The following HAUS6 variants were observed in gnomAD, a reference collection of about 807,000 sequenced individuals.
HAUS6 encodes the protein HAUS augmin like complex subunit 6, also known as HAUS augmin-like complex subunit 6.
HAUS6 carries 80 observed loss-of-function variants against 106.8 expected under a neutral mutation model. The observed-to-expected ratio is 0.75, with a 90% CI of 0.63 to 0.90. The LOEUF (loss-of-function observed/expected upper bound fraction) is 0.90, where lower values mean the gene tolerates loss of function less well. Among genes scored for constraint, HAUS6 ranks in the 40% least tolerant of loss-of-function variants. The pLI is 0.00. For missense variants in HAUS6, 1,155 were observed against 1,118.1 expected (o/e 1.03, Z -0.47); for synonymous variants, 356 against 379.1 (o/e 0.94, Z 0.71).
intron 11 of HAUS6, among the ~76,000 whole-genome samples, chr9:19,074,695 T>A (rs533348959): frequency 6.6e-6 from 1 of 152,244 alleles, no homozygotes; most frequent in South Asian, 2.1e-4. Context: ...CAATTACCTA[T>A]CCCAGTGATT....
At chr9:19,068,775 T>C (rs1286490982) in intron 12 of HAUS6, among the ~76,000 whole-genome samples, 1 of 152,048 alleles carries the variant, frequency 6.6e-6, no homozygotes, top group East Asian at 1.9e-4. Flanking sequence ...TAATGTTTAA[T>C]TTCAATGAAG....
rs34918267 is a variant in HAUS6, at chr9:19,091,301, G to GA, written c.437-1743dup. 5.2e-3 allele frequency among the ~76,000 whole-genome samples: 710 copies of GA among 137,058 alleles called. 4 individuals carry two copies. Among genetic ancestry groups the GA allele is most frequent in the African/African-American group, 0.018 (657 of 36,268 alleles). The allele number at this position is 137,058 out of a possible 152,430, so 89.9% of individuals were successfully genotyped here. A position where few individuals can be genotyped will look rare whatever the true frequency, so the allele number is the denominator to read the frequency against. On this transcript the variant is annotated intron_variant, in intron 4 of 16. Transcript: ENST00000380502. ...GGCAACAGAGTGAGACTTCGTCTGC[G>GA]AAAAAAAAAAAAAGAAACCACCAAA...
intron 14 of HAUS6, 31 bp downstream of exon 14, chr9:19,062,977 T>C: frequency 8.7e-6 from 13 of 1,500,862 alleles, no homozygotes; most frequent in Non-Finnish European, 1.2e-5. Context: ...ATAACTGATA[T>C]TTAAGTATAC....
intron 7 of HAUS6, 56 bp from the exon 8 acceptor site, chr9:19,083,099 A>C: frequency 1.0e-6 from 1 of 991,008 alleles, no homozygotes. Flanking sequence ...CATATTTTAA[A>C]AATGTAAATG....
At position 19,058,586 on chromosome 9, in the gene HAUS6, G is replaced by A; in HGVS notation, c.2181C>T (p.Gly727=). Residue 727 remains glycine (G), a synonymous_variant, in exon 16 of 17, where the codon GGC becomes GGT. Coordinates refer to ENST00000380502, the MANE Select transcript of HAUS6 (RefSeq NM_017645.5). ...ATATTTTCATAAACTCCTCTTCACT[G>A]CCACCCATCACATCTATCCTATTGC... ...AVGNRIDVMG[G]SEEEFMKILD... is the part of the protein sequence containing the mutation. The A allele has an allele frequency of 6.2e-7, 1 of 1,600,604 alleles. No homozygotes were observed. The highest frequency in any genetic ancestry group is 1.1e-5 in the South Asian group (1 of 90,516).
In HAUS6 at chr9:19,096,721, A is replaced by C. The variant is rs757288535; in HGVS notation, c.177T>G (p.Tyr59Ter). 1 of 1,567,234 alleles carries C rather than the reference A, an allele frequency of 6.4e-7. No homozygotes were observed. Among genetic ancestry groups the C allele is most frequent in the Non-Finnish European group, 8.7e-7 (1 of 1,153,044 alleles). Reference protein sequence around the residue: ...LNRDAFHIISYFLFQVLDQSL... With the variant: ...LNRDAFHIIS ...ACTGGTCCAGAACTTGAAACAAAAA[A>C]TAAGAAATTATATGAAAGGCATCAC... The change falls in exon 2 of 17, where the codon TAT becomes TAG. Residue 59 changes from tyrosine to a stop codon, truncating the protein, a stop_gained. Transcript: ENST00000380502. LOFTEE classifies it high-confidence loss of function.
chr9:19,070,818 T>TA lies in HAUS6; in HGVS notation c.1295-519dup, dbSNP rs569689632. ...GATAGTGATGAGTCAAGTGTTATGT[T>TA]ATACTTCTACAGTATTATGACAGAA... On this transcript the variant is annotated intron_variant, in intron 11 of 16. Transcript: ENST00000380502. Among the ~76,000 whole-genome samples, 29 of 152,364 alleles carry TA rather than the reference T, an allele frequency of 1.9e-4. No individual in the cohort carries two copies. The South Asian group carries it at 5.6e-3, about 29-fold the overall frequency.
chr9:19,094,249 A>G, intron 3 of HAUS6, 68 bp downstream of exon 3: 8 of 889,154 alleles, frequency 9.0e-6, no homozygotes, highest in South Asian at 7.4e-5. Context: ...TCACCTCTAA[A>G]AAGTTAAAGA....
intron 11 of HAUS6, among the ~76,000 whole-genome samples, chr9:19,076,013 G>A (rs548091305): frequency 6.6e-6 from 1 of 151,770 alleles, no homozygotes; most frequent in East Asian, 1.9e-4. Flanking sequence ...GGGACTAGCG[G>A]GGAAAATGGA....
At chr9:19,083,154 A>T (rs1250121529) in intron 7 of HAUS6, 111 bp from the exon 8 acceptor site, 2 of 503,836 alleles carry the variant, frequency 4.0e-6, no homozygotes, top group Non-Finnish European at 6.8e-6. Context: ...ATTTCTAGTA[A>T]GAAAATTAAA....
chr9:19,100,398 C>T (rs977128064), intron 1 of HAUS6, among the ~76,000 whole-genome samples: 2 of 152,176 alleles, frequency 1.3e-5, no homozygotes, highest in Non-Finnish European at 2.9e-5. Context: ...TTTAATGCCA[C>T]ATCCATGTTG....
rs1836446927 is a variant in HAUS6, at chr9:19,055,376, G to A, written c.*967C>T. The A allele has an allele frequency of 1.3e-5, 2 of 152,188 alleles. No homozygotes were observed. The highest frequency in any genetic ancestry group is 4.8e-5 in the African/African-American group (2 of 41,428). 9.4% of individuals were successfully genotyped at this position (152,188 alleles called of 1,614,324 possible). ...TAGGCAGGGCACCTGAAGGAGTGAG[G>A]CAGGAGACTGCAAGTGTGACAAGTT... On this transcript the variant is annotated 3_prime_UTR_variant, in exon 17 of 17. Coordinates refer to ENST00000380502, the MANE Select transcript of HAUS6 (RefSeq NM_017645.5).
chr9:19,078,239 C>G lies in HAUS6; in HGVS notation c.1128G>C (p.Trp376Cys), dbSNP rs1407397216. The change falls in exon 10 of 17, where the codon TGG becomes TGC. Residue 376 changes from tryptophan (W) to cysteine (C), a missense_variant. Coordinates refer to ENST00000380502, the MANE Select transcript of HAUS6 (RefSeq NM_017645.5). The stretch of plus-strand genomic sequence containing the variant: ...CAAGAAATTCTTTCCACTTTTTATG[C>G]CATTCTCCTTGCTTTTCAACAACAG... ...RHSVVEKQGE[W>C]HKKWKEFLGL... 14 of 1,564,090 alleles carry G rather than the reference C, an allele frequency of 9.0e-6. No individual in the cohort carries two copies. The highest frequency in any genetic ancestry group is 1.2e-5 in the Non-Finnish European group (14 of 1,136,146).
At chr9:19,083,137 T>C (rs1837202079) in intron 7 of HAUS6, 94 bp from the exon 8 acceptor site, 2 of 583,852 alleles carry the variant, frequency 3.4e-6, no homozygotes, top group Non-Finnish European at 5.6e-6. Context: ...ACAAATTTCC[T>C]AGAATGATTT....
intron 16 of HAUS6, 23 bp from the exon 17 acceptor site, chr9:19,056,427 T>G: frequency 7.5e-7 from 1 of 1,327,298 alleles, no homozygotes; most frequent in Non-Finnish European, 1.1e-6. Context: ...TTTAAAAAAG[T>G]ATAAGCAAAC....
chr9:19,063,668 C>T (rs990258179), intron 12 of HAUS6, 88 bp from the exon 13 acceptor site: 8 of 886,382 alleles, frequency 9.0e-6, no homozygotes, highest in Non-Finnish European at 1.2e-5. Flanking sequence ...CTGTCTGCCC[C>T]GTATCTGTCC....
chr9:19,071,976 G>A (rs1451920782), intron 11 of HAUS6, among the ~76,000 whole-genome samples: 1 of 152,134 alleles, frequency 6.6e-6, no homozygotes, highest in East Asian at 1.9e-4. Flanking sequence ...GGCCAAGGTG[G>A]GCGGATCACC....
intron 4 of HAUS6, among the ~76,000 whole-genome samples, chr9:19,092,164 G>A (rs1817763436): frequency 6.6e-6 from 1 of 151,936 alleles, no homozygotes; most frequent in South Asian, 2.1e-4. Context: ...AGTGATAAAA[G>A]TATCAGTTGT....
chr9:19,079,890 A>AG (rs1564014783), intron 9 of HAUS6, among the ~76,000 whole-genome samples: 1 of 150,122 alleles, frequency 6.7e-6, no homozygotes, highest in Non-Finnish European at 1.5e-5. Context: ...CAAAAAAAAA[A>AG]GGGGCCTGGC....
Sources: gnomAD v4.1 joint callset for allele counts (sites outside exome capture counted in the v4.1 genomes callset) on GRCh38, gnomAD v4.1.1 for gene constraint, MANE v1.5 for transcripts, NCBI Gene and HGNC (gene_info 2026-07-23, HGNC 2026-07-21) for gene names.